DNAJC13: variants seen among roughly 807,000 people sequenced by gnomAD.
The protein encoded by DNAJC13 is dnaJ homolog subfamily C member 13.
A neutral mutation model predicts 290.5 loss-of-function variants in DNAJC13; 75 were observed. The observed-to-expected ratio is 0.26, with a 90% CI of 0.21 to 0.31. DNAJC13 has a LOEUF of 0.31. Ranked by LOEUF, DNAJC13 falls within the 10% of genes least tolerant of loss-of-function variation. The probability of loss-of-function intolerance (pLI) is 1.00; values close to 1 mark genes in which losing one functional copy is unlikely to be tolerated. For synonymous variants in DNAJC13, 862 were observed against 892.0 expected (o/e 0.97, Z 0.60); for missense variants, 2,260 against 2,674.5 (o/e 0.85, Z 3.42).
intron 1 of DNAJC13, among the ~76,000 whole-genome samples, chr3:132,427,984 A>G (rs567027112): frequency 4.6e-5 from 7 of 152,338 alleles, no homozygotes; most frequent in Admixed American, 3.9e-4. Context: ...CATCATTTTA[A>G]TGGAATGTTA....
At chr3:132,421,623 G>A (rs1938962115) in intron 1 of DNAJC13, among the ~76,000 whole-genome samples, 1 of 151,336 alleles carries the variant, frequency 6.6e-6, no homozygotes, top group Non-Finnish European at 1.5e-5. Context: ...TGTATTTTTA[G>A]GAGACAGAGT....
At chr3:132,450,397 T>C (rs1490706902) in intron 5 of DNAJC13, among the ~76,000 whole-genome samples, 4 of 152,146 alleles carry the variant, frequency 2.6e-5, no homozygotes, top group Non-Finnish European at 5.9e-5. Flanking sequence ...TAAAATAGCT[T>C]CATAAAATAT....
At position 132,503,260 on chromosome 3, in the gene DNAJC13, G is replaced by A. The variant is rs145101163; in HGVS notation, c.4763G>A (p.Arg1588His). Residue 1588 changes from arginine to histidine, a missense_variant, in exon 41 of 56, where the codon CGC becomes CAC. By Grantham distance (29) the Arg-to-His change is conservative. This residue lies in a region of DNAJC13 where 1,494 missense variants were observed against 1,693.7 expected (regional missense o/e 0.88). Coordinates refer to ENST00000260818, the MANE Select transcript of DNAJC13 (RefSeq NM_015268.4). The stretch of plus-strand genomic sequence containing the variant: ...AAACTGAGTGTCCATGCTCTGAGTC[G>A]CCTTGGAGGGTATTTGGCTGAAGAA... ...LAKLSVHALS[R>H]LGGYLAEEQA... is the part of the protein sequence containing the mutation. 2.0e-5 allele frequency: 32 copies of A among 1,613,908 alleles called. No homozygotes were observed. In the African/African-American group the frequency reaches 2.5e-4, roughly 13 times the overall value.
intron 6 of DNAJC13, 110 bp downstream of exon 6, chr3:132,450,957 G>A (rs1933398648): frequency 1.6e-6 from 1 of 621,198 alleles, no homozygotes; most frequent in Admixed American, 3.3e-5. Context: ...CCTCTGGAAG[G>A]AAGTATAATA....
At chr3:132,501,974 A>C (rs1935431051) in intron 39 of DNAJC13, among the ~76,000 whole-genome samples, 1 of 152,236 alleles carries the variant, frequency 6.6e-6, no homozygotes, top group South Asian at 2.1e-4. Flanking sequence ...CTAGCGTGTA[A>C]GTTGCTATTG....
At chr3:132,431,580 A>G (rs1406756231) in intron 1 of DNAJC13, among the ~76,000 whole-genome samples, 1 of 152,204 alleles carries the variant, frequency 6.6e-6, no homozygotes, top group Non-Finnish European at 1.5e-5. Context: ...AGCAGGACGA[A>G]TGAAGACAGC....
chr3:132,470,879 C>G (rs1363635635), intron 20 of DNAJC13, among the ~76,000 whole-genome samples: 2 of 135,462 alleles, frequency 1.5e-5, no homozygotes, highest in Non-Finnish European at 3.2e-5. Context: ...GGGCGGCCGG[C>G]CGGGCGGGGG....
At position 132,434,613 on chromosome 3, in the gene DNAJC13, G is replaced by A. The variant is rs1352405526; in HGVS notation, c.63G>A (p.Arg21=). The stretch of plus-strand genomic sequence containing the variant: ...TCTACACAACAAAACATTCATGGAG[G>A]GGGAAGTAAGTATTCTTGTTGGGTT... The part of the protein sequence containing the change: ...ACFYTTKHSW[R]GKYKRVFSVG... Residue 21 remains arginine (R), a synonymous_variant, in exon 2 of 56, where the codon AGG becomes AGA. Coordinates refer to ENST00000260818, the MANE Select transcript of DNAJC13 (RefSeq NM_015268.4). The A allele has an allele frequency of 1.2e-6, 2 of 1,603,072 alleles. No individual in the cohort carries two copies. The highest frequency in any genetic ancestry group is 1.7e-6 in the Non-Finnish European group (2 of 1,176,342).
intron 20 of DNAJC13, among the ~76,000 whole-genome samples, chr3:132,469,960 ATTCTTTTTT>A (rs1212384582): frequency 5.5e-4 from 16 of 29,264 alleles, no homozygotes; most frequent in Non-Finnish European, 9.6e-4. Flanking sequence ...TGGAGCAGAG[ATTCTTTTTT>A]TTTTTTTTTT....
In DNAJC13 at chr3:132,466,299, C is replaced by T; in HGVS notation, c.1969C>T (p.Pro657Ser). ...TTGAAAATGGATTTTGTGTTTTTAG[C>T]CGCCAGGCTTGCTGGCATACTTGGA... ...TATNLLKRILPPGLLAYLESS... is the reference protein window; with the variant it reads ...TATNLLKRILSPGLLAYLESS... Residue 657 changes from proline (P) to serine (S), a missense_variant and splice_region_variant, in exon 19 of 56, where the codon CCG becomes TCG. Pro to Ser is a moderately conservative substitution (Grantham distance 74). This residue lies in a region of DNAJC13 where 762 missense variants were observed against 964.1 expected (regional missense o/e 0.79). Transcript: ENST00000260818. 6.3e-7 allele frequency: 1 copy of T among 1,578,220 alleles called. No individual in the cohort carries two copies. Among genetic ancestry groups the T allele is most frequent in the Non-Finnish European group, 8.6e-7 (1 of 1,168,170 alleles).
rs573857472 is a variant in DNAJC13 at position 132,506,045 on chromosome 3, C to CTTTTTTTTTTTTTTT, written c.4998+639_4998+653dup. 1.2e-3 allele frequency among the ~76,000 whole-genome samples: 87 copies of CTTTTTTTTTTTTTTT among 72,670 alleles called. 8 individuals carry two copies. The highest frequency in any genetic ancestry group is 1.8e-3 in the Non-Finnish European group (65 of 36,946). The allele number at this position is 72,670 out of a possible 152,430, so 47.7% of individuals were successfully genotyped here. On this transcript the variant is annotated intron_variant, in intron 42 of 55. Coordinates refer to ENST00000260818, the MANE Select transcript of DNAJC13 (RefSeq NM_015268.4). ...CGGGTCTTACATGTCTGTACATTATCTTTTTTTTTTTTTTTTTTTTTTTGA... is the reference window on the plus strand; with the variant it reads ...CGGGTCTTACATGTCTGTACATTATCTTTTTTTTTTTTTTTTTTTTTTTTTTTTTTTTTTTTTTGA...
chr3:132,509,133 A>G (rs1935694638), intron 43 of DNAJC13, among the ~76,000 whole-genome samples: 1 of 152,244 alleles, frequency 6.6e-6, no homozygotes, highest in South Asian at 2.1e-4. Flanking sequence ...ATGTGGGCAA[A>G]GCAAATTGAA....
intron 1 of DNAJC13, among the ~76,000 whole-genome samples, 154 bp from the exon 2 acceptor site, chr3:132,434,384 C>CAAAAAAAAAAAAAAA (rs761665933): frequency 2.1e-5 from 2 of 94,530 alleles, no homozygotes; most frequent in Non-Finnish European, 4.6e-5. Flanking sequence ...AGACTCATCT[C>CAAAAAAAAAAAAAAA]AAAAAAAAAA....
intron 29 of DNAJC13, 39 bp from the exon 30 acceptor site, chr3:132,488,259 T>A (rs1413582357): frequency 6.5e-7 from 1 of 1,543,908 alleles, no homozygotes. Flanking sequence ...TGATGCAGGT[T>A]TTTTACAACC....
chr3:132,509,806 C>T (rs1452974869), intron 43 of DNAJC13, among the ~76,000 whole-genome samples: 2 of 152,088 alleles, frequency 1.3e-5, no homozygotes, highest in Non-Finnish European at 2.9e-5. Flanking sequence ...AAGGTATGCA[C>T]GTAGTTTTTT....
chr3:132,507,861 GTC>G (rs1305562368), intron 43 of DNAJC13, among the ~76,000 whole-genome samples: 2 of 152,100 alleles, frequency 1.3e-5, no homozygotes, highest in African/African-American at 4.8e-5. Context: ...AGAGTCACAG[GTC>G]TCTCACTTTA....
chr3:132,461,739 T>C (rs965083359), intron 15 of DNAJC13, among the ~76,000 whole-genome samples: 2 of 152,182 alleles, frequency 1.3e-5, no homozygotes, highest in African/African-American at 2.4e-5. Flanking sequence ...TTGCCCAGAC[T>C]GGAGTGCGGT....
At chr3:132,441,313 G>A (rs1014655029) in intron 2 of DNAJC13, among the ~76,000 whole-genome samples, 3 of 152,172 alleles carry the variant, frequency 2.0e-5, no homozygotes, top group African/African-American at 7.2e-5. Flanking sequence ...TACAATACCG[G>A]GACATGAATA....
intron 5 of DNAJC13, among the ~76,000 whole-genome samples, chr3:132,448,997 T>A (rs1351293983): frequency 2.6e-5 from 4 of 152,194 alleles, no homozygotes; most frequent in African/African-American, 4.8e-5. Flanking sequence ...TTATATAAGC[T>A]GTCTTTTGTA....
Sources: gnomAD v4.1 joint callset for allele counts (sites outside exome capture counted in the v4.1 genomes callset) on GRCh38, gnomAD v4.1.1 for gene constraint, gnomAD v4.1.1 regional missense constraint, MANE v1.5 for transcripts, NCBI Gene and HGNC (gene_info 2026-07-23, HGNC 2026-07-21) for gene names.